Variants in IQCH observed in about 807,000 individuals in gnomAD.
IQCH encodes the protein IQ motif containing H.
Under a neutral mutation model 117.0 loss-of-function variants are expected in IQCH, and 98 were observed. The ratio of observed to expected loss-of-function variants is 0.84; its 90% CI spans 0.71 to 0.99. The LOEUF (loss-of-function observed/expected upper bound fraction) is 0.99. Ranked by LOEUF, IQCH falls within the 50% of genes least tolerant of loss-of-function variation. The probability of loss-of-function intolerance (pLI) is 0.00; values close to 1 mark genes in which losing one functional copy is unlikely to be tolerated. For missense variants in IQCH, 1,102 were observed against 1,243.8 expected (o/e 0.89, Z 1.72); for synonymous variants, 412 against 448.2 (o/e 0.92, Z 1.02).
intron 18 of IQCH, among the ~76,000 whole-genome samples, chr15:67,486,699 A>T (rs1433050281): frequency 6.6e-6 from 1 of 152,254 alleles, no homozygotes; most frequent in African/African-American, 2.4e-5. Context: ...CCACAGAGAT[A>T]ATTCAAAATT....
chr15:67,289,141 A>G (rs1012102785), intron 4 of IQCH, among the ~76,000 whole-genome samples: 4 of 152,142 alleles, frequency 2.6e-5, no homozygotes, highest in Admixed American at 6.6e-5. Context: ...CTAGATAATG[A>G]TGCAGCTTGC....
At chr15:67,435,631 G>C (rs548997316) in intron 16 of IQCH, among the ~76,000 whole-genome samples, 30 of 151,994 alleles carry the variant, frequency 2.0e-4, no homozygotes, top group African/African-American at 7.0e-4. Context: ...CCAGCACTTT[G>C]GGAGGCTGAG....
At chr15:67,352,291 T>A (rs995238782) in intron 6 of IQCH, among the ~76,000 whole-genome samples, 3 of 152,206 alleles carry the variant, frequency 2.0e-5, no homozygotes, top group Non-Finnish European at 4.4e-5. Context: ...ATTTTTCTTA[T>A]GTATTTTAGT....
At chr15:67,464,557 A>G (rs1440105101) in intron 16 of IQCH, among the ~76,000 whole-genome samples, 1 of 152,210 alleles carries the variant, frequency 6.6e-6, no homozygotes, top group Non-Finnish European at 1.5e-5. Context: ...GTGACATTGT[A>G]GGACTGGTAA....
rs922353106 is a variant in IQCH, at chr15:67,411,552, G to A, written c.2098-5379G>A. On this transcript the variant is annotated intron_variant, in intron 14 of 20. Coordinates refer to ENST00000335894, the MANE Select transcript of IQCH (RefSeq NM_001031715.3). This position sits in a 1 kb window ranked among gnomAD's most constrained non-coding sequence, Gnocchi z 4.4. Reference sequence around the variant, plus strand: ...AACACCATCAGTGTCTGATATGGGAGATTTGAGGTGATTAACCAAAAAGTT... The same window carrying A: ...AACACCATCAGTGTCTGATATGGGAAATTTGAGGTGATTAACCAAAAAGTT... 1.3e-5 allele frequency among the ~76,000 whole-genome samples: 2 copies of A among 152,172 alleles called. No individual in the cohort carries two copies. The highest frequency in any genetic ancestry group is 4.8e-5 in the African/African-American group (2 of 41,430).
At chr15:67,302,954 C>T (rs1054366162) in intron 4 of IQCH, among the ~76,000 whole-genome samples, 1 of 152,198 alleles carries the variant, frequency 6.6e-6, no homozygotes, top group Non-Finnish European at 1.5e-5. Context: ...CGTATCTATG[C>T]TTATCTAGCA....
chr15:67,372,383 T>C lies in IQCH; in HGVS notation c.1026T>C (p.Leu342=). Residue 342 remains leucine (L), a synonymous_variant, in exon 9 of 21, where the codon CTT becomes CTC. Coordinates refer to ENST00000335894, the MANE Select transcript of IQCH (RefSeq NM_001031715.3). ...ELTNKLTRYD[L]LSVLEDPAHV... Reference sequence around the variant, plus strand: ...CGAATAAACTTACCAGATATGACCTTCTCTCAGTGTTAGAGGACCCAGCTC... The same window carrying C: ...CGAATAAACTTACCAGATATGACCTCCTCTCAGTGTTAGAGGACCCAGCTC... The C allele has an allele frequency of 6.2e-7, 1 of 1,614,132 alleles. No homozygotes were observed. Among genetic ancestry groups the C allele is most frequent in the Non-Finnish European group, 8.5e-7 (1 of 1,180,006 alleles).
intron 18 of IQCH, among the ~76,000 whole-genome samples, chr15:67,478,620 A>G (rs1370852911): frequency 2.0e-5 from 3 of 152,028 alleles, no homozygotes; most frequent in African/African-American, 7.2e-5. Flanking sequence ...AGGAGGGGAT[A>G]ATCAGAAAGA....
rs1226475284 is a variant in IQCH, at chr15:67,366,466, G to A, written c.754-5645G>A. Among the ~76,000 whole-genome samples, 1 of 152,200 alleles carries A rather than the reference G, an allele frequency of 6.6e-6. No homozygotes were observed. Among genetic ancestry groups the A allele is most frequent in the Admixed American group, 6.5e-5 (1 of 15,282 alleles). On this transcript the variant is annotated intron_variant, in intron 8 of 20. Coordinates refer to ENST00000335894, the MANE Select transcript of IQCH (RefSeq NM_001031715.3). This position sits in a 1 kb window ranked among gnomAD's most constrained non-coding sequence, Gnocchi z 4.4. ...TCGTGTGTTTTTGTTCCATGAGAAT[G>A]CATCAAAGGATGGGGATTTTTCTCC...
rs1219433560 is a variant in IQCH at position 67,344,179 on chromosome 15, A to C, written c.625A>C (p.Ile209Leu). 3 of 1,613,408 alleles carry C rather than the reference A, an allele frequency of 1.9e-6. No individual in the cohort carries two copies. In the East Asian group the frequency reaches 6.7e-5, roughly 36 times the overall value. ...PLHSFDEARKIPTVATFTIPR... is the reference protein window; with the variant it reads ...PLHSFDEARKLPTVATFTIPR... ...GCATAGTTTTGATGAAGCACGTAAG[A>C]TTCCAACTGTAGGTAAGATACTCAT... Residue 209 changes from isoleucine (I) to leucine (L), a missense_variant, in exon 6 of 21, where the codon ATT (isoleucine) becomes CTT (leucine). Around this residue, in one of 2 missense-constraint regions of IQCH, gnomAD observed 452 missense variants for 449.6 expected, o/e 1.01. Coordinates refer to ENST00000335894, the MANE Select transcript of IQCH (RefSeq NM_001031715.3).
chr15:67,339,179 T>C lies in IQCH; in HGVS notation c.508+2084T>C, dbSNP rs147857875. Among the ~76,000 whole-genome samples the C allele has an allele frequency of 6.8e-3, 1,039 of 152,310 alleles. 8 individuals are homozygous for C. The highest frequency in any genetic ancestry group is 0.024 in the African/African-American group (985 of 41,550). On this transcript the variant is annotated intron_variant, in intron 5 of 20. Transcript: ENST00000335894. ...TTAGTTAAACGAATGACAGAATGAATGAACTTCCAATTCTTAATCTATTCA... is the reference window on the plus strand; with the variant it reads ...TTAGTTAAACGAATGACAGAATGAACGAACTTCCAATTCTTAATCTATTCA...
chr15:67,371,266 ATGTAGTG>A, intron 8 of IQCH, among the ~76,000 whole-genome samples: 1 of 152,188 alleles, frequency 6.6e-6, no homozygotes, highest in East Asian at 1.9e-4. Flanking sequence ...GAGAATTGAA[ATGTAGTG>A]GTTTAACATA....
intron 10 of IQCH, 47 bp downstream of exon 10, chr15:67,373,480 C>A: frequency 1.7e-6 from 2 of 1,199,930 alleles, no homozygotes; most frequent in Non-Finnish European, 2.5e-6. Context: ...CTATTACCCA[C>A]CACATTATGG....
Position 67,424,766 on chromosome 15 carries a change from T to C in IQCH, c.2505+3189T>C, listed in dbSNP as rs1422705562. On this transcript the variant is annotated intron_variant, in intron 16 of 20. Coordinates refer to ENST00000335894, the MANE Select transcript of IQCH (RefSeq NM_001031715.3). This position sits in a 1 kb window ranked among gnomAD's most constrained non-coding sequence, Gnocchi z 4.9. ...TTCCCATAAATACTTCAGTATATGA[T>C]CATTTGTGTTATAGTTATCAACAGA... 6.6e-6 allele frequency among the ~76,000 whole-genome samples: 1 copy of C among 152,250 alleles called. No individual in the cohort carries two copies. The highest frequency in any genetic ancestry group is 6.5e-5 in the Admixed American group (1 of 15,280).
intron 4 of IQCH, among the ~76,000 whole-genome samples, chr15:67,310,832 A>G (rs1482717419): frequency 6.6e-6 from 1 of 152,132 alleles, no homozygotes; most frequent in African/African-American, 2.4e-5. Flanking sequence ...ACAAAATTAG[A>G]TTTTTTTGAA....
Position 67,474,067 on chromosome 15 carries a change from AGTGTGT to A in IQCH, c.2677-1597_2677-1592del, listed in dbSNP as rs36050088. Among the ~76,000 whole-genome samples the A allele has an allele frequency of 6.2e-3, 862 of 138,308 alleles. 5 individuals are homozygous for A. The highest frequency in any genetic ancestry group is 0.011 in the African/African-American group (404 of 37,072). The allele number at this position is 138,308 out of a possible 152,430, so 90.7% of individuals were successfully genotyped here. On this transcript the variant is annotated intron_variant, in intron 17 of 20. Transcript: ENST00000335894. This position sits in a 1 kb window ranked among gnomAD's most constrained non-coding sequence, Gnocchi z 4.1. Reference sequence around the variant, plus strand: ...GTCACCAAAAGTGCCACGAAATCTGAGTGTGTGTGTGTGTGTGTGTGTGTGTGTGTG... The same window carrying A: ...GTCACCAAAAGTGCCACGAAATCTGAGTGTGTGTGTGTGTGTGTGTGTGTG...
chr15:67,453,834 G>GAGGC lies in IQCH; in HGVS notation c.2506-11284_2506-11281dup, dbSNP rs1567202108. Among the ~76,000 whole-genome samples the GAGGC allele has an allele frequency of 6.6e-6, 1 of 152,246 alleles. No individual in the cohort carries two copies. The highest frequency in any genetic ancestry group is 6.5e-5 in the Admixed American group (1 of 15,292). Reference sequence around the variant, plus strand: ...CCTGCCCCCAGAGGTGGCGCCTACAGAGGCAGGCAGGCCTCCTTGAGCTGT... The same window carrying GAGGC: ...CCTGCCCCCAGAGGTGGCGCCTACAGAGGCAGGCAGGCAGGCCTCCTTGAGCTGT... On this transcript the variant is annotated intron_variant, in intron 16 of 20. Transcript: ENST00000335894. This position sits in a 1 kb window ranked among gnomAD's most constrained non-coding sequence, Gnocchi z 5.8.
chr15:67,282,781 A>C (rs951292784), intron 4 of IQCH, among the ~76,000 whole-genome samples: 4 of 152,202 alleles, frequency 2.6e-5, no homozygotes, highest in African/African-American at 9.7e-5. Flanking sequence ...CACTTCTTTA[A>C]GCTCTCTCTC....
chr15:67,467,649 A>AT lies in IQCH; in HGVS notation c.2676+2359dup, dbSNP rs148542633. ...TGCATGTGTACACATATGATCAGCG[A>AT]TTTTTTTAAAAAGAAGCATGTGCAC... On this transcript the variant is annotated intron_variant, in intron 17 of 20. Transcript: ENST00000335894. The surrounding 1 kb of genome is among the most constrained non-coding windows in gnomAD (Gnocchi z 5.7). Among the ~76,000 whole-genome samples the AT allele has an allele frequency of 7.2e-5, 11 of 152,216 alleles. No individual in the cohort carries two copies. Among genetic ancestry groups the AT allele is most frequent in the African/African-American group, 2.2e-4 (9 of 41,464 alleles).
Sources: allele counts gnomAD v4.1 joint callset (sites outside exome capture counted in the v4.1 genomes callset), GRCh38; gene constraint gnomAD v4.1.1; regional missense constraint gnomAD v4.1.1; non-coding constraint Gnocchi (gnomAD v3.1); transcripts MANE v1.5; gene names NCBI Gene and HGNC (gene_info 2026-07-23, HGNC 2026-07-21).